Variants in UST observed in about 807,000 individuals in gnomAD.
The protein encoded by UST is uronyl 2-sulfotransferase.
UST carries 21 observed loss-of-function variants against 45.6 expected under a neutral mutation model. The ratio of observed to expected loss-of-function variants is 0.46; its 90% CI spans 0.33 to 0.66. UST has a LOEUF of 0.66. UST is among the 30% of genes least tolerant of loss of function. The probability of loss-of-function intolerance (pLI) is 0.02; values close to 1 mark genes in which losing one functional copy is unlikely to be tolerated. For synonymous variants in UST, 215 were observed against 200.6 expected, an observed-to-expected ratio of 1.07 and a Z score of -0.61; for missense variants, 463 against 512.4, an observed-to-expected ratio of 0.90 and a Z score of 0.93.
At chr6:148,928,085 C>G (rs1252049907) in intron 2 of UST, among the ~76,000 whole-genome samples, 1 of 152,058 alleles carries the variant, frequency 6.6e-6, no homozygotes, top group Non-Finnish European at 1.5e-5. Context: ...AGTGGCCTTA[C>G]CCAGACTCTG....
intron 1 of UST, among the ~76,000 whole-genome samples, chr6:148,853,615 C>T (rs1054740595): frequency 5.9e-5 from 9 of 152,128 alleles, no homozygotes; most frequent in Admixed American, 1.3e-4. Context: ...GCAACCTCAC[C>T]GGCATCTGTT....
At chr6:149,040,765 G>A (rs1562337156) in intron 7 of UST, among the ~76,000 whole-genome samples, 3 of 152,140 alleles carry the variant, frequency 2.0e-5, no homozygotes, top group Admixed American at 2.0e-4. Context: ...AAGCACAGGT[G>A]CCAACAAACT....
At chr6:148,808,993 C>T (rs772409337) in intron 1 of UST, among the ~76,000 whole-genome samples, 9 of 152,214 alleles carry the variant, frequency 5.9e-5, no homozygotes, top group South Asian at 2.1e-4. Flanking sequence ...GTAAGCCACC[C>T]GGTCTATGGT....
In UST at chr6:149,052,789, T is replaced by C. The variant is rs148495374; in HGVS notation, c.938-21044T>C. Among the ~76,000 whole-genome samples, 109 of 152,346 alleles carry C rather than the reference T, an allele frequency of 7.2e-4. 1 individual carries two copies. Among genetic ancestry groups the C allele is most frequent in the Middle Eastern group, 6.8e-3 (2 of 294 alleles). ...TTCTAAATGTGTTACTTTGTTTTAT[T>C]TTTTTGTTGGTGGGGGAAGACTTTA... is the stretch of plus-strand genomic sequence containing the variant. On this transcript the variant is annotated intron_variant, in intron 7 of 7. Transcript: ENST00000367463.
intron 1 of UST, among the ~76,000 whole-genome samples, chr6:148,776,779 T>C (rs2114682348): frequency 6.6e-6 from 1 of 152,338 alleles, no homozygotes; most frequent in Admixed American, 6.5e-5. Flanking sequence ...TAGTCATCGT[T>C]TGAATCTCGT....
In UST at chr6:148,790,393, A is replaced by G. The variant is rs1776820718; in HGVS notation, c.247+42716A>G. Among the ~76,000 whole-genome samples, 2 of 152,204 alleles carry G rather than the reference A, an allele frequency of 1.3e-5. No individual in the cohort carries two copies. The highest frequency in any genetic ancestry group is 2.4e-5 in the African/African-American group (1 of 41,452). On this transcript the variant is annotated intron_variant, in intron 1 of 7. Coordinates refer to ENST00000367463, the MANE Select transcript of UST (RefSeq NM_005715.3). This position sits in a 1 kb window ranked among gnomAD's most constrained non-coding sequence, Gnocchi z 4.2. Reference sequence around the variant, plus strand: ...TGCTGTTTCTGGAATAGTAGAGACCACAAGGTTCTGAAAAAGAGGCCACTG... The same window carrying G: ...TGCTGTTTCTGGAATAGTAGAGACCGCAAGGTTCTGAAAAAGAGGCCACTG...
intron 7 of UST, among the ~76,000 whole-genome samples, chr6:149,062,622 T>A (rs1229798816): frequency 6.6e-6 from 1 of 152,216 alleles, no homozygotes; most frequent in Non-Finnish European, 1.5e-5. Flanking sequence ...ATTCCCTGAA[T>A]GCCAGAATAC....
At chr6:148,796,182 G>C (rs1349027100) in intron 1 of UST, among the ~76,000 whole-genome samples, 2 of 152,118 alleles carry the variant, frequency 1.3e-5, no homozygotes, top group Non-Finnish European at 2.9e-5. Flanking sequence ...ATGGCACTTT[G>C]CCCTTTATTT....
intron 1 of UST, among the ~76,000 whole-genome samples, chr6:148,840,361 A>T (rs2114771645): frequency 6.6e-6 from 1 of 152,244 alleles, no homozygotes; most frequent in East Asian, 1.9e-4. Context: ...ATGGGGTTTG[A>T]TTTACACGTT....
At chr6:148,993,956 CTTTTTTTTTTT>C (rs57552256) in intron 5 of UST, among the ~76,000 whole-genome samples, 15 of 95,364 alleles carry the variant, frequency 1.6e-4, no homozygotes, top group Admixed American at 5.7e-4. Context: ...TATTTCTTTC[CTTTTTTTTTTT>C]TTTTTTTTTT....
chr6:148,758,462 G>A (rs534203043), intron 1 of UST, among the ~76,000 whole-genome samples: 11 of 152,196 alleles, frequency 7.2e-5, no homozygotes, highest in African/African-American at 2.4e-4. Flanking sequence ...TTACTCTCTG[G>A]GATAGCCAGC....
chr6:148,973,325 A>G (rs1430245922), intron 5 of UST, among the ~76,000 whole-genome samples: 1 of 152,234 alleles, frequency 6.6e-6, no homozygotes, highest in Non-Finnish European at 1.5e-5. Context: ...AAACAGAATG[A>G]GCACTTTGAT....
intron 1 of UST, among the ~76,000 whole-genome samples, chr6:148,816,685 C>G (rs1777362624): frequency 6.6e-6 from 1 of 152,160 alleles, no homozygotes; most frequent in African/African-American, 2.4e-5. Flanking sequence ...TATCCACTTA[C>G]TTACATATAA....
chr6:149,071,509 CAG>C (rs1347461605), intron 7 of UST, among the ~76,000 whole-genome samples: 2 of 151,938 alleles, frequency 1.3e-5, no homozygotes, highest in African/African-American at 2.4e-5. Flanking sequence ...AAGAAGAAAA[CAG>C]ATAAAATGGT....
At chr6:148,939,823 T>C (rs2114920978) in intron 2 of UST, among the ~76,000 whole-genome samples, 1 of 152,298 alleles carries the variant, frequency 6.6e-6, no homozygotes, top group East Asian at 1.9e-4. Flanking sequence ...GTTTCTTAGA[T>C]ATGACACCAA....
chr6:148,928,882 A>G (rs547804845), intron 2 of UST, among the ~76,000 whole-genome samples: 365 of 152,254 alleles, frequency 2.4e-3, no homozygotes, highest in African/African-American at 7.8e-3. Flanking sequence ...CTAATTCTCT[A>G]TCTCATTTCA....
chr6:148,892,543 C>T (rs1165622830), intron 2 of UST, among the ~76,000 whole-genome samples: 1 of 152,018 alleles, frequency 6.6e-6, no homozygotes, highest in African/African-American at 2.4e-5. Flanking sequence ...TAGCTATTAG[C>T]CTCAGGTAGC....
chr6:149,021,455 G>A lies in UST; in HGVS notation c.911G>A (p.Gly304Asp). ...LERFLPHYFK[G>D]VLSIYKDPEH... ...AGATTTTTACCTCATTACTTCAAGGGCGTGCTCAGTATCTACAAAGACCCA... is the reference window on the plus strand; with the variant it reads ...AGATTTTTACCTCATTACTTCAAGGACGTGCTCAGTATCTACAAAGACCCA... Residue 304 changes from glycine to aspartate, a missense_variant, in exon 7 of 8, where the codon GGC (glycine) becomes GAC (aspartate). Gly to Asp is a moderately conservative substitution (Grantham distance 94). This residue lies in a region of UST where 287 missense variants were observed against 374.2 expected (regional missense o/e 0.77). Transcript: ENST00000367463. 6.2e-7 allele frequency: 1 copy of A among 1,614,148 alleles called. No individual in the cohort carries two copies. The highest frequency in any genetic ancestry group is 8.5e-7 in the Non-Finnish European group (1 of 1,180,036).
At chr6:148,902,734 G>C (rs928687691) in intron 2 of UST, among the ~76,000 whole-genome samples, 2 of 151,802 alleles carry the variant, frequency 1.3e-5, no homozygotes, top group African/African-American at 4.8e-5. Context: ...TTGGATTTTG[G>C]ACCTCCAGGA....
Sources: gnomAD v4.1 joint callset for allele counts (sites outside exome capture counted in the v4.1 genomes callset) on GRCh38, gnomAD v4.1.1 for gene constraint, gnomAD v4.1.1 regional missense constraint, Gnocchi (gnomAD v3.1) non-coding constraint, MANE v1.5 for transcripts, NCBI Gene and HGNC (gene_info 2026-07-23, HGNC 2026-07-21) for gene names.